The following REEP5 variants were observed in gnomAD, a reference collection of about 807,000 sequenced individuals.
REEP5 encodes the protein receptor expression-enhancing protein 5.
In REEP5, 24 loss-of-function variants were observed where a neutral mutation model predicts 22.4. The ratio of observed to expected loss-of-function variants is 1.07; its 90% CI spans 0.78 to 1.51. The LOEUF (loss-of-function observed/expected upper bound fraction) is 1.51. Ranked by LOEUF, REEP5 falls within the 40% of genes most tolerant of loss-of-function variation. The pLI, the probability that REEP5 is intolerant of heterozygous loss-of-function variation, is 0.00. For synonymous variants in REEP5, 103 were observed against 88.6 expected (o/e 1.16, Z -0.92); for missense variants, 252 against 233.0 (o/e 1.08, Z -0.53).
In REEP5 at chr5:112,878,662, C is replaced by A. The variant is rs1721845990; in HGVS notation, c.*124G>T. ...AAAGAAACTTACAACACATTCCAAT[C>A]TTTAATATCTCAAAAATGTTTCCAA... On this transcript the variant is annotated 3_prime_UTR_variant, in exon 5 of 5. Transcript: ENST00000379638. 7 of 1,369,298 alleles carry A rather than the reference C, an allele frequency of 5.1e-6. No individual in the cohort carries two copies. In the Admixed American group the frequency reaches 1.2e-4, roughly 23 times the overall value. 84.8% of individuals were successfully genotyped at this position (1,369,298 alleles called of 1,614,324 possible).
rs1315251604 is a variant in REEP5 at position 112,888,855 on chromosome 5, C to T, written c.352-1672G>A. ...GGTTTAGCTGTGTCCCCACCCAAAT[C>T]TCATCTTGAACTGTAGCTCCCATAA... On this transcript the variant is annotated intron_variant, in intron 3 of 4. Coordinates refer to ENST00000379638, the MANE Select transcript of REEP5 (RefSeq NM_005669.5). Among the ~76,000 whole-genome samples, 2 of 150,692 alleles carry T rather than the reference C, an allele frequency of 1.3e-5. 1 individual carries two copies. The highest frequency in any genetic ancestry group is 4.9e-5 in the African/African-American group (2 of 40,444).
At chr5:112,896,363 A>C (rs1768680469) in intron 3 of REEP5, 1 of 152,006 alleles carries the variant, frequency 6.6e-6, no homozygotes. Context: ...ATCTCTACTA[A>C]AAATACAAAA....
At position 112,895,552 on chromosome 5, in the gene REEP5, A is replaced by G. The variant is rs1211214046; in HGVS notation, c.351+6828T>C. 7.2e-5 allele frequency: 11 copies of G among 152,212 alleles called. No individual in the cohort carries two copies. The South Asian group carries it at 1.0e-3, about 14-fold the overall frequency. The allele number at this position is 152,212 out of a possible 1,614,324, so 9.4% of individuals were successfully genotyped here. The stretch of plus-strand genomic sequence containing the variant: ...GTGATTACTTTGTAGGCTAGACTGC[A>G]GACTGTTAATTGACTACTTTCTGGT... On this transcript the variant is annotated intron_variant, in intron 3 of 4. Coordinates refer to ENST00000379638, the MANE Select transcript of REEP5 (RefSeq NM_005669.5).
intron 3 of REEP5, among the ~76,000 whole-genome samples, chr5:112,890,082 C>A (rs1429973981): frequency 6.7e-6 from 1 of 150,348 alleles, no homozygotes; most frequent in African/African-American, 2.5e-5. Context: ...CCCCATCGGC[C>A]TCCCAAAGTG....
chr5:112,881,948 T>C (rs1561646046), intron 4 of REEP5: 1 of 151,716 alleles, frequency 6.6e-6, no homozygotes, highest in African/African-American at 2.4e-5. Flanking sequence ...TGTTTTTTTT[T>C]TTTTGTAGAG....
At chr5:112,912,178 C>T (rs1769119267) in intron 2 of REEP5, among the ~76,000 whole-genome samples, 1 of 152,112 alleles carries the variant, frequency 6.6e-6, no homozygotes. Flanking sequence ...AAAAGTTAAG[C>T]TGTTTGCTCA....
intron 3 of REEP5, among the ~76,000 whole-genome samples, chr5:112,899,817 G>C (rs548481993): frequency 6.6e-6 from 1 of 152,202 alleles, no homozygotes; most frequent in African/African-American, 2.4e-5. Context: ...AAGTGTTTCG[G>C]GTTTCACATT....
At chr5:112,910,227 C>T (rs897895454) in intron 2 of REEP5, among the ~76,000 whole-genome samples, 1 of 152,052 alleles carries the variant, frequency 6.6e-6, no homozygotes, top group Non-Finnish European at 1.5e-5. Flanking sequence ...TACTTGAACC[C>T]GGGAGGTGGA....
chr5:112,879,055 C>T (rs1303630562), intron 4 of REEP5, among the ~76,000 whole-genome samples: 1 of 152,050 alleles, frequency 6.6e-6, no homozygotes, highest in Non-Finnish European at 1.5e-5. Context: ...GAGCAAAATA[C>T]TTGAAGGTCA....
At chr5:112,879,345 GC>G (rs1767998801) in intron 4 of REEP5, among the ~76,000 whole-genome samples, 14 of 128,840 alleles carry the variant, frequency 1.1e-4, no homozygotes, top group African/African-American at 2.8e-5. Flanking sequence ...GGCTGGGGGG[GC>G]GGTGGGGGAG....
At chr5:112,916,183 T>C (rs904300728) in intron 2 of REEP5, among the ~76,000 whole-genome samples, 1 of 152,260 alleles carries the variant, frequency 6.6e-6, no homozygotes, top group African/African-American at 2.4e-5. Context: ...CTGAGCATCA[T>C]TTAGCTAAGA....
At chr5:112,906,954 C>G (rs1298973764) in intron 2 of REEP5, among the ~76,000 whole-genome samples, 1 of 152,066 alleles carries the variant, frequency 6.6e-6, no homozygotes, top group African/African-American at 2.4e-5. Flanking sequence ...AAAAGTTGGA[C>G]GTAGAAGTCA....
chr5:112,889,861 C>G lies in REEP5; in HGVS notation c.352-2678G>C, dbSNP rs1329368828. Among the ~76,000 whole-genome samples the G allele has an allele frequency of 1.4e-5, 2 of 146,994 alleles. 1 individual carries two copies. Among genetic ancestry groups the G allele is most frequent in the African/African-American group, 5.2e-5 (2 of 38,668 alleles). On this transcript the variant is annotated intron_variant, in intron 3 of 4. Coordinates refer to ENST00000379638, the MANE Select transcript of REEP5 (RefSeq NM_005669.5). Reference sequence around the variant, plus strand: ...TTTTTTTTTGAGACTGATTCTTGCTCTCTTACCCAGGCTGGAGTGCTGTGG... The same window carrying G: ...TTTTTTTTTGAGACTGATTCTTGCTGTCTTACCCAGGCTGGAGTGCTGTGG...
intron 2 of REEP5, among the ~76,000 whole-genome samples, chr5:112,915,737 T>C (rs1348102587): frequency 6.6e-6 from 1 of 152,202 alleles, no homozygotes; most frequent in South Asian, 2.1e-4. Flanking sequence ...CAGGCATGCA[T>C]TGCTCTGCTC....
intron 3 of REEP5, among the ~76,000 whole-genome samples, chr5:112,899,321 T>G (rs576449584): frequency 1.4e-4 from 21 of 151,948 alleles, no homozygotes; most frequent in Non-Finnish European, 2.9e-4. Context: ...TTTAAATTTG[T>G]GTGTGTGGAG....
Position 112,878,862 on chromosome 5 carries a change from A to G in REEP5, c.521-27T>C, listed in dbSNP as rs112236815. 1,602 of 1,613,878 alleles carry G rather than the reference A, an allele frequency of 9.9e-4. 16 individuals are homozygous for G. The African/African-American group carries it at 0.019, about 19-fold the overall frequency. ...TGTTTGTTTGTTAGGAGGGAAAGAA[A>G]AATATATCAAAGCTCTTTCTTTGGA... On this transcript the variant is annotated intron_variant, in intron 4 of 4. Transcript: ENST00000379638.
At chr5:112,904,566 C>T (rs1385445990) in intron 2 of REEP5, among the ~76,000 whole-genome samples, 9 of 152,136 alleles carry the variant, frequency 5.9e-5, no homozygotes, top group Non-Finnish European at 1.0e-4. Flanking sequence ...TAGAATATGA[C>T]GTAAAAACCT....
intron 3 of REEP5, chr5:112,894,611 T>C (rs1768622183): frequency 6.6e-6 from 1 of 152,246 alleles, no homozygotes; most frequent in Non-Finnish European, 1.5e-5. Context: ...GGATGTGCTA[T>C]GTATTCCTGC....
intron 3 of REEP5, chr5:112,891,782 T>C (rs758351381): frequency 1.2e-6 from 2 of 1,613,142 alleles, no homozygotes; most frequent in Non-Finnish European, 1.7e-6. Context: ...GACTCAGGAC[T>C]CTCACAGGAG....
Sources: gnomAD v4.1 joint callset for allele counts (sites outside exome capture counted in the v4.1 genomes callset) on GRCh38, gnomAD v4.1.1 for gene constraint, MANE v1.5 for transcripts, NCBI Gene and HGNC (gene_info 2026-07-23, HGNC 2026-07-21) for gene names.